The following CNIH3 variants were observed in gnomAD, a reference collection of about 807,000 sequenced individuals.
CNIH3 encodes cornichon family AMPA receptor auxiliary protein 3, also known as protein cornichon homolog 3.
A neutral mutation model predicts 24.1 loss-of-function variants in CNIH3; 14 were observed. The ratio of observed to expected loss-of-function variants is 0.58; its 90% CI spans 0.38 to 0.91. CNIH3 has a LOEUF of 0.91. Among genes scored for constraint, CNIH3 ranks in the 40% least tolerant of loss-of-function variants. The pLI is 0.00. For synonymous variants in CNIH3, 68 were observed against 73.8 expected (o/e 0.92, Z 0.40); for missense variants, 178 against 196.8 (o/e 0.90, Z 0.57).
At chr1:224,474,888 A>G (rs1202847720) in intron 1 of CNIH3, among the ~76,000 whole-genome samples, 1 of 150,768 alleles carries the variant, frequency 6.6e-6, no homozygotes, top group Non-Finnish European at 1.5e-5. Context: ...AATAAAAATA[A>G]AAAAAAGCCG....
intron 3 of CNIH3, among the ~76,000 whole-genome samples, chr1:224,688,164 T>C (rs1686750264): frequency 6.6e-6 from 1 of 152,258 alleles, no homozygotes; most frequent in Admixed American, 6.5e-5. Context: ...GTTATGCTTC[T>C]GTTTAAAGCT....
At chr1:224,689,493 T>TG (rs1255580641) in intron 3 of CNIH3, among the ~76,000 whole-genome samples, 1 of 152,218 alleles carries the variant, frequency 6.6e-6, no homozygotes, top group Non-Finnish European at 1.5e-5. Context: ...CATCACACGG[T>TG]GGGCCGGCCT....
intron 5 of CNIH3, among the ~76,000 whole-genome samples, chr1:224,737,696 G>C (rs1689665138): frequency 6.6e-6 from 1 of 152,186 alleles, no homozygotes; most frequent in African/African-American, 2.4e-5. Context: ...TATAGTTTGA[G>C]CTCCCTGAGG....
At chr1:224,487,323 GT>G (rs1677067169) in intron 1 of CNIH3, among the ~76,000 whole-genome samples, 1 of 152,212 alleles carries the variant, frequency 6.6e-6, no homozygotes, top group Non-Finnish European at 1.5e-5. Flanking sequence ...TTAGTGGACA[GT>G]TTGTAAACAG....
intron 1 of CNIH3, among the ~76,000 whole-genome samples, chr1:224,509,511 C>T (rs1259932447): frequency 6.6e-6 from 1 of 152,166 alleles, no homozygotes; most frequent in Non-Finnish European, 1.5e-5. Flanking sequence ...CATGCAGCCC[C>T]TTCTCCCTGG....
chr1:224,669,954 C>A (rs1055741679), intron 1 of CNIH3, among the ~76,000 whole-genome samples: 1 of 152,166 alleles, frequency 6.6e-6, no homozygotes, highest in African/African-American at 2.4e-5. Flanking sequence ...GCATTCCCCC[C>A]ACCCCCACAC....
intron 1 of CNIH3, among the ~76,000 whole-genome samples, chr1:224,455,179 C>T (rs989452260): frequency 2.2e-4 from 33 of 152,010 alleles, no homozygotes; most frequent in Non-Finnish European, 1.3e-4. Context: ...GAATACTGTA[C>T]AGAAAGTAAA....
intron 1 of CNIH3, among the ~76,000 whole-genome samples, 160 bp downstream of exon 1, chr1:224,617,415 C>T (rs903180174): frequency 2.0e-5 from 3 of 152,198 alleles, no homozygotes; most frequent in Admixed American, 6.5e-5. Context: ...TGCATCCCGC[C>T]GGGCGCGCCT....
intron 1 of CNIH3, among the ~76,000 whole-genome samples, chr1:224,497,307 C>T (rs1323399029): frequency 1.3e-5 from 2 of 152,116 alleles, no homozygotes; most frequent in African/African-American, 4.8e-5. Flanking sequence ...GTGATGTTTG[C>T]ACAACATAGT....
chr1:224,617,932 C>T (rs1372001511), intron 1 of CNIH3, among the ~76,000 whole-genome samples: 1 of 152,190 alleles, frequency 6.6e-6, no homozygotes, highest in Non-Finnish European at 1.5e-5. Flanking sequence ...CTCTTGGCGT[C>T]TGAAGTCCGA....
At chr1:224,721,967 C>T (rs1220976208) in intron 3 of CNIH3, among the ~76,000 whole-genome samples, 7 of 152,238 alleles carry the variant, frequency 4.6e-5, no homozygotes, top group South Asian at 4.2e-4. Flanking sequence ...TGCTCTCCCA[C>T]GGGGTGGTGT....
At chr1:224,643,086 T>C (rs1684437125) in intron 1 of CNIH3, among the ~76,000 whole-genome samples, 1 of 152,198 alleles carries the variant, frequency 6.6e-6, no homozygotes, top group African/African-American at 2.4e-5. Context: ...TGTGGCCTTG[T>C]TGATGGTCGA....
chr1:224,557,928 AT>A (rs1268788388), intron 3 of CNIH3, among the ~76,000 whole-genome samples: 1 of 152,230 alleles, frequency 6.6e-6, no homozygotes, highest in Non-Finnish European at 1.5e-5. Flanking sequence ...CATTATCCCC[AT>A]TTTACAGATA....
At chr1:224,523,271 A>G (rs1678714871) in intron 2 of CNIH3, among the ~76,000 whole-genome samples, 1 of 152,134 alleles carries the variant, frequency 6.6e-6, no homozygotes, top group Non-Finnish European at 1.5e-5. Context: ...AACATTGTTT[A>G]TAATAGTCCC....
chr1:224,593,122 C>T (rs57321094), downstream of CNIH3, among the ~76,000 whole-genome samples: 7,111 of 151,480 alleles, frequency 0.047, 565 homozygotes, highest in African/African-American at 0.16. Context: ...CGTCCCCAGA[C>T]TGGCTATGTT....
At chr1:224,692,193 T>A (rs1305352725) in intron 3 of CNIH3, among the ~76,000 whole-genome samples, 1 of 152,064 alleles carries the variant, frequency 6.6e-6, no homozygotes, top group Admixed American at 6.6e-5. Flanking sequence ...TCCCAGCTAC[T>A]CAGGAGGGAG....
intron 3 of CNIH3, among the ~76,000 whole-genome samples, chr1:224,608,564 C>T (rs1327486934): frequency 1.3e-5 from 2 of 152,192 alleles, no homozygotes; most frequent in African/African-American, 2.4e-5. Context: ...CAATGCTCTT[C>T]CATACAATAT....
intron 3 of CNIH3, among the ~76,000 whole-genome samples, chr1:224,561,316 A>G (rs944774054): frequency 6.6e-6 from 1 of 152,016 alleles, no homozygotes; most frequent in African/African-American, 2.4e-5. Context: ...GAATTTTCCT[A>G]TATATAATTT....
chr1:224,558,385 A>C (rs1230160904), intron 3 of CNIH3, among the ~76,000 whole-genome samples: 2 of 152,096 alleles, frequency 1.3e-5, no homozygotes, highest in Non-Finnish European at 2.9e-5. Context: ...TGGTCAAAGC[A>C]AGTCCCAGGC....
Sources: allele counts gnomAD v4.1 joint callset (sites outside exome capture counted in the v4.1 genomes callset), GRCh38; gene constraint gnomAD v4.1.1; transcripts MANE v1.5; gene names NCBI Gene and HGNC (gene_info 2026-07-23, HGNC 2026-07-21).